SIPA1L1: variants seen among roughly 807,000 people sequenced by gnomAD.
SIPA1L1 encodes the protein signal-induced proliferation-associated 1-like protein 1.
A neutral mutation model predicts 162.7 loss-of-function variants in SIPA1L1; 26 were observed. The ratio of observed to expected loss-of-function variants is 0.16; its 90% CI spans 0.12 to 0.22. SIPA1L1 has a LOEUF of 0.22. Among genes scored for constraint, SIPA1L1 ranks in the 10% least tolerant of loss-of-function variants. The pLI is 1.00. For synonymous variants in SIPA1L1, 829 were observed against 837.4 expected, an observed-to-expected ratio of 0.99 and a Z score of 0.17; for missense variants, 1,874 against 2,241.0, an observed-to-expected ratio of 0.84 and a Z score of 3.31.
intron 2 of SIPA1L1, among the ~76,000 whole-genome samples, chr14:71,479,560 C>T (rs2048177577): frequency 6.6e-6 from 1 of 150,814 alleles, no homozygotes; most frequent in South Asian, 2.1e-4. Context: ...GATGCGGGGC[C>T]AATTTATTTT....
At chr14:71,511,366 C>T (rs896133359) in intron 2 of SIPA1L1, among the ~76,000 whole-genome samples, 1 of 152,074 alleles carries the variant, frequency 6.6e-6, no homozygotes, top group Non-Finnish European at 1.5e-5. Flanking sequence ...CTCACTGCTG[C>T]CTCTACCTTC....
chr14:71,536,651 T>C (rs759438340), intron 4 of SIPA1L1, among the ~76,000 whole-genome samples: 4 of 152,252 alleles, frequency 2.6e-5, no homozygotes, highest in Non-Finnish European at 5.9e-5. Flanking sequence ...AGCAAGAACA[T>C]AGCACTGTCT....
At chr14:71,700,180 C>T (rs1021850662) in intron 14 of SIPA1L1, among the ~76,000 whole-genome samples, 2 of 151,516 alleles carry the variant, frequency 1.3e-5, no homozygotes, top group African/African-American at 2.4e-5. Context: ...AACCAGAGGG[C>T]CAGAAAAATG....
chr14:71,625,084 A>G (rs546442856), intron 7 of SIPA1L1, among the ~76,000 whole-genome samples: 20 of 151,948 alleles, frequency 1.3e-4, no homozygotes, highest in African/African-American at 3.6e-4. Context: ...TAGTTTATTT[A>G]TTTTTTTTCC....
chr14:71,444,124 G>A (rs917751322), intron 2 of SIPA1L1, among the ~76,000 whole-genome samples: 1 of 152,316 alleles, frequency 6.6e-6, no homozygotes, highest in Admixed American at 6.5e-5. Context: ...TGTCAGCGGT[G>A]TTAGGATGTT....
intron 5 of SIPA1L1, among the ~76,000 whole-genome samples, chr14:71,616,778 A>C (rs1280548023): frequency 1.3e-5 from 2 of 152,224 alleles, no homozygotes. Flanking sequence ...CATGTTTGCC[A>C]CATCTGCCCT....
intron 2 of SIPA1L1, among the ~76,000 whole-genome samples, chr14:71,487,658 T>C (rs1182355524): frequency 3.3e-5 from 5 of 152,160 alleles, no homozygotes; most frequent in Non-Finnish European, 5.9e-5. Context: ...TCTGCTCAGC[T>C]CTTGGGGACA....
chr14:71,688,424 A>G (rs557867232), intron 13 of SIPA1L1, among the ~76,000 whole-genome samples: 1 of 152,222 alleles, frequency 6.6e-6, no homozygotes. Flanking sequence ...TTGTTTTGCT[A>G]CTGTGACTCC....
chr14:71,649,817 T>A (rs2042473488), intron 7 of SIPA1L1, among the ~76,000 whole-genome samples: 1 of 152,090 alleles, frequency 6.6e-6, no homozygotes, highest in Non-Finnish European at 1.5e-5. Flanking sequence ...TAATTTAATA[T>A]ATTGGGAAAA....
intron 4 of SIPA1L1, among the ~76,000 whole-genome samples, chr14:71,568,358 T>A (rs1043164882): frequency 1.3e-5 from 2 of 152,164 alleles, no homozygotes; most frequent in Admixed American, 1.3e-4. Flanking sequence ...CTTGCCAAAC[T>A]GTTAGGGTGT....
intron 2 of SIPA1L1, among the ~76,000 whole-genome samples, chr14:71,399,062 G>A (rs1171504986): frequency 6.6e-6 from 1 of 152,192 alleles, no homozygotes; most frequent in African/African-American, 2.4e-5. Context: ...TGGCAACTAA[G>A]TTTAGCACTT....
rs1325868766 is a variant in SIPA1L1 at position 71,672,445 on chromosome 14, A to G, written c.2927A>G (p.Asp976Gly). 6.2e-7 allele frequency: 1 copy of G among 1,614,134 alleles called. No individual in the cohort carries two copies. Among genetic ancestry groups the G allele is most frequent in the Non-Finnish European group, 8.5e-7 (1 of 1,180,008 alleles). ...FHVNYEGIVA[D>G]VEPYGYAWQA... is the part of the protein sequence containing the mutation. ...GTCAACTATGAGGGCATTGTGGCGG[A>G]TGTGGAGCCCTACGGTTATGCCTGG... Residue 976 changes from aspartate to glycine, a missense_variant, in exon 12 of 24, where the codon GAT (aspartate) becomes GGT (glycine). Coordinates refer to ENST00000381232, the MANE Select transcript of SIPA1L1 (RefSeq NM_001386936.1).
At chr14:71,692,484 T>C (rs1402273956) in intron 13 of SIPA1L1, among the ~76,000 whole-genome samples, 1 of 152,268 alleles carries the variant, frequency 6.6e-6, no homozygotes, top group African/African-American at 2.4e-5. Flanking sequence ...GACCGGACTC[T>C]GAAGGCTCCT....
intron 7 of SIPA1L1, 122 bp downstream of exon 7, chr14:71,624,358 T>C (rs2039753267): frequency 8.7e-6 from 7 of 809,118 alleles, no homozygotes; most frequent in Non-Finnish European, 1.3e-5. Context: ...TGAAAGACAC[T>C]CTCTTTGCAA....
At chr14:71,676,437 C>T (rs892472057) in intron 12 of SIPA1L1, among the ~76,000 whole-genome samples, 1 of 150,090 alleles carries the variant, frequency 6.7e-6, no homozygotes, top group Non-Finnish European at 1.5e-5. Context: ...AGCAAACTTT[C>T]TGAGCCCCTA....
At chr14:71,694,100 A>G (rs557545116) in intron 13 of SIPA1L1, among the ~76,000 whole-genome samples, 2 of 152,344 alleles carry the variant, frequency 1.3e-5, no homozygotes, top group South Asian at 4.1e-4. Context: ...ATAAGTTGTA[A>G]TCAGTCATAA....
At chr14:71,714,836 C>T (rs2083144730) in intron 17 of SIPA1L1, among the ~76,000 whole-genome samples, 1 of 152,206 alleles carries the variant, frequency 6.6e-6, no homozygotes. Context: ...CTCACCTTGG[C>T]CTCCCATAGT....
At chr14:71,623,283 C>T (rs2039636050) in intron 6 of SIPA1L1, among the ~76,000 whole-genome samples, 1 of 152,186 alleles carries the variant, frequency 6.6e-6, no homozygotes, top group Non-Finnish European at 1.5e-5. Context: ...GATGGGTTTT[C>T]TCTTCTTTCC....
chr14:71,382,424 G>A (rs1171652125), intron 2 of SIPA1L1, among the ~76,000 whole-genome samples: 1 of 152,168 alleles, frequency 6.6e-6, no homozygotes, highest in East Asian at 1.9e-4. Flanking sequence ...CCCACCTTTT[G>A]TAAATACGTA....
Sources: gnomAD v4.1 joint callset for allele counts (sites outside exome capture counted in the v4.1 genomes callset) on GRCh38, gnomAD v4.1.1 for gene constraint, MANE v1.5 for transcripts, NCBI Gene and HGNC (gene_info 2026-07-23, HGNC 2026-07-21) for gene names.